PPP1R14C: variants seen among roughly 807,000 people sequenced by gnomAD.
PPP1R14C encodes protein phosphatase 1 regulatory inhibitor subunit 14C, also known as protein phosphatase 1 regulatory subunit 14C.
Under a neutral mutation model 20.4 loss-of-function variants are expected in PPP1R14C, and 16 were observed. The observed-to-expected ratio is 0.78, with a 90% CI of 0.53 to 1.19. The LOEUF is 1.19. Ranked by LOEUF, PPP1R14C falls within the 50% of genes most tolerant of loss-of-function variation. The pLI is 0.00. For missense variants in PPP1R14C, 211 were observed against 220.1 expected, an observed-to-expected ratio of 0.96 and a Z score of 0.26; for synonymous variants, 91 against 91.0, an observed-to-expected ratio of 1.00 and a Z score of 0.00.
At chr6:150,192,974 T>C (rs1320374936) in intron 1 of PPP1R14C, among the ~76,000 whole-genome samples, 1 of 152,168 alleles carries the variant, frequency 6.6e-6, no homozygotes, top group African/African-American at 2.4e-5. Flanking sequence ...TGGCTGACCT[T>C]TTAGTGGGAG....
chr6:150,192,552 T>C (rs59301654), intron 1 of PPP1R14C, among the ~76,000 whole-genome samples: 6,722 of 152,280 alleles, frequency 0.044, 310 homozygotes, highest in East Asian at 0.12. Flanking sequence ...AAACAGGCCA[T>C]GGACCAGTAC....
rs1455435932 is a variant in PPP1R14C, at chr6:150,143,083, G to C, written c.-110G>C. ...GCTGGGCGCGCGCGGCGCAGAGCAG[G>C]TGCCGGGGAGCCCTTCGCATGCGGC... is the stretch of plus-strand genomic sequence containing the variant. On this transcript the variant is annotated 5_prime_UTR_variant, in exon 1 of 4. Transcript: ENST00000361131. The surrounding 1 kb of genome is among the most constrained non-coding windows in gnomAD (Gnocchi z 5.6). 9.0e-7 allele frequency: 1 copy of C among 1,113,894 alleles called. No homozygotes were observed. Among genetic ancestry groups the C allele is most frequent in the African/African-American group, 1.7e-5 (1 of 60,048 alleles). 69.0% of individuals were successfully genotyped at this position (1,113,894 alleles called of 1,614,324 possible).
chr6:150,242,585 A>T (rs1416793565), intron 3 of PPP1R14C, among the ~76,000 whole-genome samples: 1 of 152,242 alleles, frequency 6.6e-6, no homozygotes, highest in Non-Finnish European at 1.5e-5. Context: ...AATATCTGCA[A>T]AAAACCTACA....
At chr6:150,151,443 C>G (rs1184120509) in intron 1 of PPP1R14C, among the ~76,000 whole-genome samples, 1 of 152,296 alleles carries the variant, frequency 6.6e-6, no homozygotes, top group Admixed American at 6.5e-5. Context: ...ATATGAGTCC[C>G]CACTGGTCCC....
chr6:150,149,443 ATTTTTTTTTTTCTTTT>A (rs1327978432), intron 1 of PPP1R14C, among the ~76,000 whole-genome samples: 2 of 119,940 alleles, frequency 1.7e-5, no homozygotes, highest in African/African-American at 3.3e-5. Context: ...CTCCCACCTA[ATTTTTTTTTTTCTTTT>A]TTTTTTTTTT....
intron 1 of PPP1R14C, among the ~76,000 whole-genome samples, chr6:150,165,385 A>G (rs904388362): frequency 6.6e-6 from 1 of 152,252 alleles, no homozygotes; most frequent in African/African-American, 2.4e-5. Context: ...TGACTTGCCT[A>G]GTTAATTACA....
At chr6:150,200,359 G>A (rs971839882) in intron 1 of PPP1R14C, among the ~76,000 whole-genome samples, 8 of 152,064 alleles carry the variant, frequency 5.3e-5, no homozygotes, top group African/African-American at 1.2e-4. Context: ...TCATGGTGCC[G>A]GGGTCCGAAT....
chr6:150,229,871 C>T (rs1778274147), intron 3 of PPP1R14C, among the ~76,000 whole-genome samples: 1 of 152,082 alleles, frequency 6.6e-6, no homozygotes, highest in Admixed American at 6.5e-5. Context: ...AAAAACAACC[C>T]CTGCCCCCCA....
At chr6:150,161,760 T>C (rs1777371127) in intron 1 of PPP1R14C, among the ~76,000 whole-genome samples, 1 of 152,258 alleles carries the variant, frequency 6.6e-6, no homozygotes, top group South Asian at 2.1e-4. Flanking sequence ...GTTACTTAGG[T>C]CAGTACCCTT....
intron 1 of PPP1R14C, among the ~76,000 whole-genome samples, chr6:150,170,213 A>C (rs1777480973): frequency 6.6e-6 from 1 of 152,234 alleles, no homozygotes; most frequent in South Asian, 2.1e-4. Flanking sequence ...TGTTGAAGCC[A>C]GTTTTGGAAA....
intron 1 of PPP1R14C, among the ~76,000 whole-genome samples, chr6:150,208,172 C>T (rs1317706440): frequency 6.6e-6 from 1 of 152,176 alleles, no homozygotes; most frequent in Admixed American, 6.5e-5. Context: ...GGACCAAATT[C>T]ACCCTGAGTT....
chr6:150,170,932 A>T (rs1405535402), intron 1 of PPP1R14C, among the ~76,000 whole-genome samples: 7 of 152,038 alleles, frequency 4.6e-5, no homozygotes, highest in Non-Finnish European at 1.0e-4. Context: ...AAAAATTTTA[A>T]ATCTGTTTTT....
At chr6:150,178,174 C>T (rs1397286106) in intron 1 of PPP1R14C, among the ~76,000 whole-genome samples, 1 of 152,176 alleles carries the variant, frequency 6.6e-6, no homozygotes, top group South Asian at 2.1e-4. Flanking sequence ...TGTATCTTGT[C>T]GTCAGTTGCT....
intron 1 of PPP1R14C, among the ~76,000 whole-genome samples, chr6:150,154,314 C>T (rs1777281932): frequency 6.6e-6 from 1 of 152,174 alleles, no homozygotes; most frequent in African/African-American, 2.4e-5. Flanking sequence ...GGGAACCTTG[C>T]TGGCACCTAT....
In PPP1R14C at chr6:150,143,358, G is replaced by T. The variant is rs1562536874; in HGVS notation, c.166G>T (p.Ala56Ser). Residue 56 changes from alanine (A) to serine (S), a missense_variant, in exon 1 of 4, where the codon GCA (alanine) becomes TCA (serine). Physicochemically the swap from Ala to Ser is moderately conservative, Grantham distance 99 (BLOSUM62 1). Transcript: ENST00000361131. This position sits in a 1 kb window ranked among gnomAD's most constrained non-coding sequence, Gnocchi z 5.6. ...GGCGCCCGTGGCCACGGCGGCCGCT[G>T]CAGGGCAGGTTCAGCAGCAACAGCA... is the stretch of plus-strand genomic sequence containing the variant. ...DSAPVATAAA[A>S]GQVQQQQQRR... 6.2e-7 allele frequency: 1 copy of T among 1,608,716 alleles called. No individual in the cohort carries two copies. The highest frequency in any genetic ancestry group is 2.2e-5 in the East Asian group (1 of 44,466).
chr6:150,220,431 A>C (rs1354183474), intron 3 of PPP1R14C, among the ~76,000 whole-genome samples: 4 of 152,160 alleles, frequency 2.6e-5, no homozygotes, highest in Non-Finnish European at 4.4e-5. Context: ...ATTTATAGGT[A>C]GTTGGGGAAT....
chr6:150,200,795 A>C (rs1323651647), intron 1 of PPP1R14C, among the ~76,000 whole-genome samples: 3 of 152,210 alleles, frequency 2.0e-5, no homozygotes, highest in Admixed American at 2.0e-4. Context: ...GAATCCATTC[A>C]TATCTGCCTC....
Position 150,248,961 on chromosome 6 carries a change from G to A in PPP1R14C, c.*141G>A, listed in dbSNP as rs770032264. Reference sequence around the variant, plus strand: ...TTTTTCTTTTTTGGTGTGAAGGTGGGGGGGTCTATTAGACATTTATTCAAG... The same window carrying A: ...TTTTTCTTTTTTGGTGTGAAGGTGGAGGGGTCTATTAGACATTTATTCAAG... On this transcript the variant is annotated 3_prime_UTR_variant, in exon 4 of 4. Transcript: ENST00000361131. The A allele has an allele frequency of 3.9e-6, 2 of 510,002 alleles. No homozygotes were observed. Among genetic ancestry groups the A allele is most frequent in the African/African-American group, 2.0e-5 (1 of 51,240 alleles). 31.6% of individuals were successfully genotyped at this position (510,002 alleles called of 1,614,324 possible).
chr6:150,240,314 G>A (rs1454235600), intron 3 of PPP1R14C, among the ~76,000 whole-genome samples: 1 of 152,200 alleles, frequency 6.6e-6, no homozygotes, highest in Non-Finnish European at 1.5e-5. Flanking sequence ...AGAATGTCCA[G>A]GTTCTTCGCG....
Sources: allele counts gnomAD v4.1 joint callset (sites outside exome capture counted in the v4.1 genomes callset), GRCh38; gene constraint gnomAD v4.1.1; non-coding constraint Gnocchi (gnomAD v3.1); transcripts MANE v1.5; gene names NCBI Gene and HGNC (gene_info 2026-07-23, HGNC 2026-07-21).